Variants in WDFY3 observed in about 807,000 individuals in gnomAD.
The protein encoded by WDFY3 is WD repeat and FYVE domain containing 3.
WDFY3 carries 66 observed loss-of-function variants against 409.6 expected under a neutral mutation model. That is an observed-to-expected ratio of 0.16 (90% CI 0.13 to 0.20). WDFY3 has a LOEUF of 0.20. Ranked by LOEUF, WDFY3 falls within the 10% of genes least tolerant of loss-of-function variation. WDFY3 has a pLI of 1.00. For missense variants in WDFY3, 3,031 were observed against 4,298.1 expected, an observed-to-expected ratio of 0.71 and a Z score of 8.24; for synonymous variants, 1,521 against 1,537.1, an observed-to-expected ratio of 0.99 and a Z score of 0.25.
At chr4:84,816,261 A>T (rs1370215078) in intron 13 of WDFY3, among the ~76,000 whole-genome samples, 1 of 152,168 alleles carries the variant, frequency 6.6e-6, no homozygotes. Context: ...ATACAAGAGC[A>T]GGTTTTTAGT....
chr4:84,939,279 G>A (rs1455864040), intron 1 of WDFY3, among the ~76,000 whole-genome samples: 4 of 152,168 alleles, frequency 2.6e-5, no homozygotes, highest in Non-Finnish European at 5.9e-5. Context: ...GAATACTACA[G>A]AGGAGATGAT....
rs536049337 is a variant in WDFY3 at position 84,685,223 on chromosome 4, A to C, written c.9544-1098T>G. Among the ~76,000 whole-genome samples the C allele has an allele frequency of 1.1e-3, 169 of 152,328 alleles. 2 individuals are homozygous for C. The highest frequency in any genetic ancestry group is 3.8e-3 in the African/African-American group (157 of 41,584). ...TGGTCAGCAAAAACAGAGGAGAACT[A>C]GAAGCTGCAAAGCAGCATCAACACA... On this transcript the variant is annotated intron_variant, in intron 62 of 67. Coordinates refer to ENST00000295888, the MANE Select transcript of WDFY3 (RefSeq NM_014991.6).
At chr4:84,850,183 T>TA (rs1294004220) in intron 4 of WDFY3, among the ~76,000 whole-genome samples, 158 bp from the exon 5 acceptor site, 1 of 152,212 alleles carries the variant, frequency 6.6e-6, no homozygotes, top group Non-Finnish European at 1.5e-5. Context: ...ACGCTTTCAA[T>TA]AAATCACATG....
At chr4:84,862,515 C>T (rs1432102115) in intron 3 of WDFY3, among the ~76,000 whole-genome samples, 1 of 152,104 alleles carries the variant, frequency 6.6e-6, no homozygotes, top group Non-Finnish European at 1.5e-5. Context: ...ATTTACAGTC[C>T]TGGAAATCCC....
intron 64 of WDFY3, among the ~76,000 whole-genome samples, chr4:84,679,730 T>C (rs1220209300): frequency 6.6e-6 from 1 of 151,952 alleles, no homozygotes; most frequent in Non-Finnish European, 1.5e-5. Context: ...CAGCTCAAAG[T>C]ATTCTCCCCC....
intron 44 of WDFY3, among the ~76,000 whole-genome samples, chr4:84,731,243 G>T (rs1367683712): frequency 1.3e-5 from 2 of 151,988 alleles, no homozygotes; most frequent in Non-Finnish European, 2.9e-5. Context: ...CCTCTTTTTT[G>T]ATTTGATGGT....
At chr4:84,801,265 G>C (rs1469254043) in intron 17 of WDFY3, among the ~76,000 whole-genome samples, 1 of 152,126 alleles carries the variant, frequency 6.6e-6, no homozygotes, top group Non-Finnish European at 1.5e-5. Flanking sequence ...AAAGAGCACA[G>C]GAAAACTCTT....
At chr4:84,711,332 C>T (rs1242565925) in intron 51 of WDFY3, among the ~76,000 whole-genome samples, 1 of 152,066 alleles carries the variant, frequency 6.6e-6, no homozygotes, top group African/African-American at 2.4e-5. Context: ...TAGAGGAAAA[C>T]TGGGAAATCT....
At chr4:84,863,022 G>A (rs1168840205) in intron 3 of WDFY3, among the ~76,000 whole-genome samples, 2 of 152,170 alleles carry the variant, frequency 1.3e-5, no homozygotes, top group Non-Finnish European at 2.9e-5. Context: ...CATCTGTATT[G>A]TTGCAAATGA....
At chr4:84,898,889 T>A (rs979660151) in intron 2 of WDFY3, among the ~76,000 whole-genome samples, 1 of 152,172 alleles carries the variant, frequency 6.6e-6, no homozygotes, top group Non-Finnish European at 1.5e-5. Flanking sequence ...AACACCTAAG[T>A]TATCATCAAA....
chr4:84,719,835 A>C (rs1214849987), intron 47 of WDFY3, among the ~76,000 whole-genome samples: 1 of 152,194 alleles, frequency 6.6e-6, no homozygotes, highest in East Asian at 1.9e-4. Context: ...TGCTTCCTTC[A>C]TACCTGGTGT....
chr4:84,889,590 T>G (rs1407644375), intron 3 of WDFY3, among the ~76,000 whole-genome samples: 1 of 152,150 alleles, frequency 6.6e-6, no homozygotes. Context: ...AGTTCTGGTG[T>G]CAGGCAGATA....
Position 84,715,295 on chromosome 4 carries a change from G to A in WDFY3, c.7961+3C>T, listed in dbSNP as rs1249125831. The A allele has an allele frequency of 1.9e-6, 3 of 1,569,590 alleles. No individual in the cohort carries two copies. The highest frequency in any genetic ancestry group is 2.2e-5 in the South Asian group (2 of 89,210). ...TATACAAAGTGTTCCGAATAAACAAGACCTTTGATAGACTTTGTTTCTGAT... is the reference window on the plus strand; with the variant it reads ...TATACAAAGTGTTCCGAATAAACAAAACCTTTGATAGACTTTGTTTCTGAT... On this transcript the variant is annotated splice_donor_region_variant and intron_variant, in intron 50 of 67. Coordinates refer to ENST00000295888, the MANE Select transcript of WDFY3 (RefSeq NM_014991.6).
chr4:84,850,928 GTTTTTTTTTTTTTTTTTTTTTTTTTTTTT>G (rs869074191), intron 4 of WDFY3, among the ~76,000 whole-genome samples: 134 of 46,254 alleles, frequency 2.9e-3, no homozygotes, highest in African/African-American at 0.012. Flanking sequence ...TTATTTATCT[GTTTTTTTTTTTTTTTTTTTTTTTTTTTTT>G]TTTTTTTTTT....
chr4:84,897,852 C>T (rs945902714), intron 2 of WDFY3, among the ~76,000 whole-genome samples: 1 of 152,270 alleles, frequency 6.6e-6, no homozygotes, highest in Non-Finnish European at 1.5e-5. Flanking sequence ...TATTGAAAAT[C>T]GCCTTTAAAT....
chr4:84,847,731 G>A (rs538780173), intron 5 of WDFY3, among the ~76,000 whole-genome samples: 30 of 129,168 alleles, frequency 2.3e-4, no homozygotes, highest in African/African-American at 8.7e-4. Context: ...CTGAGATCGC[G>A]CCACTGCACT....
intron 58 of WDFY3, among the ~76,000 whole-genome samples, chr4:84,695,554 G>GAGAGAGT (rs1578160534): frequency 1.3e-5 from 1 of 79,890 alleles, no homozygotes. Flanking sequence ...AGAGAGAGAG[G>GAGAGAGT]CACGCATAGA....
At position 84,718,434 on chromosome 4, in the gene WDFY3, G is replaced by A. The variant is rs1734319446; in HGVS notation, c.7742C>T (p.Thr2581Ile). 2 of 1,613,346 alleles carry A rather than the reference G, an allele frequency of 1.2e-6. No individual in the cohort carries two copies. Among genetic ancestry groups the A allele is most frequent in the Non-Finnish European group, 1.7e-6 (2 of 1,179,716 alleles). Residue 2581 changes from threonine to isoleucine, a missense_variant, in exon 48 of 68, where the codon ACC (threonine) becomes ATC (isoleucine). Coordinates refer to ENST00000295888, the MANE Select transcript of WDFY3 (RefSeq NM_014991.6). ...TATREIRDIETLPPNMHEPII... is the reference protein window; with the variant it reads ...TATREIRDIEILPPNMHEPII... ...TTCATTTACTTACTTTGGAGGTAAG[G>A]TTTCAATATCTCTTATTTCCCTGGT...
At chr4:84,709,059 T>A (rs1732459026) in intron 52 of WDFY3, 31 bp from the exon 53 acceptor site, 1 of 1,611,464 alleles carries the variant, frequency 6.2e-7, no homozygotes, top group Middle Eastern at 1.7e-4. Context: ...ATTTTTGAGC[T>A]ATCGATTATT....
Sources: gnomAD v4.1 joint callset for allele counts (sites outside exome capture counted in the v4.1 genomes callset) on GRCh38, gnomAD v4.1.1 for gene constraint, MANE v1.5 for transcripts, NCBI Gene and HGNC (gene_info 2026-07-23, HGNC 2026-07-21) for gene names.